Variants in FHIP1A observed in about 807,000 individuals in gnomAD.
The protein encoded by FHIP1A is FHF complex subunit HOOK-interacting protein 1A.
Under a neutral mutation model 88.6 loss-of-function variants are expected in FHIP1A, and 61 were observed. The observed-to-expected ratio is 0.69, with a 90% CI of 0.56 to 0.85. The LOEUF (loss-of-function observed/expected upper bound fraction) is 0.85, where lower values mean the gene tolerates loss of function less well. Among genes scored for constraint, FHIP1A ranks in the 40% least tolerant of loss-of-function variants. The probability of loss-of-function intolerance (pLI) is 0.00; values close to 1 mark genes in which losing one functional copy is unlikely to be tolerated. For missense variants in FHIP1A, 1,154 were observed against 1,273.5 expected (o/e 0.91, Z 1.43); for synonymous variants, 478 against 496.0 (o/e 0.96, Z 0.48).
At chr4:151,473,815 G>A (rs1729609061) in intron 2 of FHIP1A, among the ~76,000 whole-genome samples, 1 of 152,152 alleles carries the variant, frequency 6.6e-6, no homozygotes, top group South Asian at 2.1e-4. Context: ...ACAAAGTGAT[G>A]TTGTGTAAAA....
intron 5 of FHIP1A, among the ~76,000 whole-genome samples, chr4:151,583,117 C>T (rs1297639644): frequency 6.6e-6 from 1 of 152,178 alleles, no homozygotes; most frequent in Non-Finnish European, 1.5e-5. Flanking sequence ...ATGTCTGACC[C>T]ACAGTCTGTG....
At chr4:151,634,326 C>T (rs1397593081) in intron 8 of FHIP1A, among the ~76,000 whole-genome samples, 1 of 151,620 alleles carries the variant, frequency 6.6e-6, no homozygotes, top group Non-Finnish European at 1.5e-5. Context: ...ATTAAAATGG[C>T]CATATTACTC....
At chr4:151,478,002 A>G (rs1729766873) in intron 2 of FHIP1A, among the ~76,000 whole-genome samples, 1 of 152,190 alleles carries the variant, frequency 6.6e-6, no homozygotes, top group Non-Finnish European at 1.5e-5. Flanking sequence ...CGCACTATGA[A>G]TGTATTCTGC....
At chr4:151,602,965 T>C (rs1476119984) in intron 7 of FHIP1A, among the ~76,000 whole-genome samples, 1 of 152,200 alleles carries the variant, frequency 6.6e-6, no homozygotes, top group Non-Finnish European at 1.5e-5. Context: ...TTAAGGACTA[T>C]ACCCAGCTTT....
intron 1 of FHIP1A, among the ~76,000 whole-genome samples, chr4:151,437,151 A>G (rs934816369): frequency 2.0e-5 from 3 of 152,122 alleles, no homozygotes; most frequent in African/African-American, 7.2e-5. Flanking sequence ...ACAGTGCTAT[A>G]ATATTGGCCT....
intron 3 of FHIP1A, among the ~76,000 whole-genome samples, chr4:151,539,145 C>A (rs1023222880): frequency 1.3e-5 from 2 of 152,150 alleles, no homozygotes; most frequent in African/African-American, 4.8e-5. Context: ...CACTTCTCCC[C>A]CAAAGGATGT....
chr4:151,603,766 T>G (rs2126833563), intron 7 of FHIP1A, among the ~76,000 whole-genome samples: 1 of 152,318 alleles, frequency 6.6e-6, no homozygotes, highest in Non-Finnish European at 1.5e-5. Context: ...ATCCTTGAAT[T>G]TTTTCTCTTA....
chr4:151,654,704 A>G (rs1224714088), intron 11 of FHIP1A, among the ~76,000 whole-genome samples: 4 of 152,224 alleles, frequency 2.6e-5, no homozygotes, highest in South Asian at 2.1e-4. Context: ...TGGGAAAACC[A>G]TTAGTTGCTT....
Position 151,628,921 on chromosome 4 carries a change from A to G in FHIP1A, c.979-781A>G, listed in dbSNP as rs1055283051. Among the ~76,000 whole-genome samples, 3 of 152,200 alleles carry G rather than the reference A, an allele frequency of 2.0e-5. 1 individual carries two copies. The highest frequency in any genetic ancestry group is 2.9e-5 in the Non-Finnish European group (2 of 68,034). On this transcript the variant is annotated intron_variant, in intron 7 of 13. Transcript: ENST00000435205. Reference sequence around the variant, plus strand: ...CCCAATAAAAATGTTTAAGGTTAGAATTTTGATACTTGAAGCATCAAATCC... The same window carrying G: ...CCCAATAAAAATGTTTAAGGTTAGAGTTTTGATACTTGAAGCATCAAATCC...
At chr4:151,427,824 G>A (rs1316499141) in intron 1 of FHIP1A, among the ~76,000 whole-genome samples, 2 of 152,032 alleles carry the variant, frequency 1.3e-5, no homozygotes, top group East Asian at 1.9e-4. Flanking sequence ...AATCATTGGC[G>A]ATGTGAGTAA....
intron 2 of FHIP1A, among the ~76,000 whole-genome samples, chr4:151,482,071 A>G (rs1729915631): frequency 6.6e-6 from 1 of 152,174 alleles, no homozygotes; most frequent in African/African-American, 2.4e-5. Flanking sequence ...GTATCTAGAG[A>G]GGTCAAAGTT....
intron 3 of FHIP1A, among the ~76,000 whole-genome samples, chr4:151,555,070 T>G (rs571938842): frequency 1.3e-5 from 2 of 152,220 alleles, no homozygotes; most frequent in African/African-American, 4.8e-5. Context: ...GAAGCTAGAT[T>G]TATGAGAGAA....
At chr4:151,600,977 A>T (rs1387275420) in intron 7 of FHIP1A, among the ~76,000 whole-genome samples, 2 of 152,060 alleles carry the variant, frequency 1.3e-5, no homozygotes, top group Non-Finnish European at 2.9e-5. Flanking sequence ...CAAAGACCCC[A>T]CCTCTTTATA....
intron 2 of FHIP1A, among the ~76,000 whole-genome samples, chr4:151,475,311 A>T (rs1179762310): frequency 2.0e-5 from 3 of 152,204 alleles, no homozygotes; most frequent in Admixed American, 6.5e-5. Context: ...AAAAGAAGTT[A>T]AACATTTTGT....
At chr4:151,426,074 G>C (rs111572187) in intron 1 of FHIP1A, among the ~76,000 whole-genome samples, 23 of 152,074 alleles carry the variant, frequency 1.5e-4, no homozygotes, top group African/African-American at 5.3e-4. Flanking sequence ...TCTTTAATAT[G>C]ATACATGAGA....
chr4:151,531,683 G>C (rs758644579), intron 3 of FHIP1A, among the ~76,000 whole-genome samples: 3 of 152,142 alleles, frequency 2.0e-5, no homozygotes, highest in Non-Finnish European at 4.4e-5. Context: ...AGAGACTGTT[G>C]ATTTCATATC....
chr4:151,602,324 A>C (rs758114287), intron 7 of FHIP1A, among the ~76,000 whole-genome samples: 3 of 152,152 alleles, frequency 2.0e-5, no homozygotes, highest in Non-Finnish European at 4.4e-5. Context: ...TAAAAGGATA[A>C]TATTGTTTGT....
At chr4:151,655,229 C>T (rs2126921509) in intron 11 of FHIP1A, among the ~76,000 whole-genome samples, 1 of 152,306 alleles carries the variant, frequency 6.6e-6, no homozygotes, top group African/African-American at 2.4e-5. Context: ...ATAGCTCCAC[C>T]AAGGGAAATG....
intron 1 of FHIP1A, among the ~76,000 whole-genome samples, chr4:151,420,909 G>T (rs1445125398): frequency 6.6e-6 from 1 of 152,248 alleles, no homozygotes; most frequent in African/African-American, 2.4e-5. Context: ...TCTCAATGCA[G>T]TGCTCCGGAG....
Sources: allele counts gnomAD v4.1 joint callset (sites outside exome capture counted in the v4.1 genomes callset), GRCh38; gene constraint gnomAD v4.1.1; transcripts MANE v1.5; gene names NCBI Gene and HGNC (gene_info 2026-07-23, HGNC 2026-07-21).